Variants in FRMPD4 observed in about 807,000 individuals in gnomAD.
FRMPD4 encodes FERM and PDZ domain containing 4, also known as FERM and PDZ domain-containing protein 4.
A neutral mutation model predicts 94.1 loss-of-function variants in FRMPD4; 22 were observed. The observed-to-expected ratio is 0.23, with a 90% confidence interval of 0.17 to 0.33. The LOEUF is 0.33. Among genes scored for constraint, FRMPD4 ranks in the 10% least tolerant of loss-of-function variants. FRMPD4 has a pLI of 1.00. For missense variants in FRMPD4, 1,111 were observed against 1,339.9 expected, an observed-to-expected ratio of 0.83 and a Z score of 2.67; for synonymous variants, 631 against 548.6, an observed-to-expected ratio of 1.15 and a Z score of -2.10.
At chrX:12,690,110 A>C in intron 7 of FRMPD4, 85 bp from the exon 8 acceptor site, 1 of 691,126 alleles carries the variant, frequency 1.4e-6, no homozygotes, top group East Asian at 3.5e-5. Context: ...GGCAGCCTAC[A>C]TGTGTAACAC....
chrX:12,295,701 T>C (rs1445491289), intron 1 of FRMPD4, among the ~76,000 whole-genome samples: 1 of 112,163 alleles, frequency 8.9e-6, no homozygotes, highest in East Asian at 2.8e-4. Context: ...TTTAAGAGTC[T>C]TTTTGCCTCT....
intron 1 of FRMPD4, among the ~76,000 whole-genome samples, chrX:12,420,327 A>C (rs963086632): frequency 9.0e-6 from 1 of 111,660 alleles, no homozygotes; most frequent in African/African-American, 3.3e-5. Flanking sequence ...CCGGGCCTCC[A>C]TTGTCTCTAC....
At chrX:12,263,037 C>G (rs1310261720) in intron 1 of FRMPD4, among the ~76,000 whole-genome samples, 1 of 111,519 alleles carries the variant, frequency 9.0e-6, no homozygotes, top group Non-Finnish European at 1.9e-5. Flanking sequence ...GTTATTTCTA[C>G]AAGAGGGAGT....
chrX:12,107,939 A>G (rs2055315157), intron 3 of FRMPD4, among the ~76,000 whole-genome samples: 2 of 112,162 alleles, frequency 1.8e-5, no homozygotes, highest in Non-Finnish European at 3.8e-5. Context: ...GACCAAATCT[A>G]TGTCTGATTG....
intron 1 of FRMPD4, among the ~76,000 whole-genome samples, chrX:11,841,350 T>A (rs1253396364): frequency 1.8e-5 from 2 of 110,712 alleles, no homozygotes; most frequent in East Asian, 5.7e-4. Context: ...TGAACTAGTT[T>A]ACAGTCCCAC....
intron 1 of FRMPD4, among the ~76,000 whole-genome samples, chrX:12,418,353 T>TC (rs1402868498): frequency 6.9e-5 from 7 of 102,112 alleles, no homozygotes; most frequent in East Asian, 3.1e-4. Context: ...TTTCTTTCTT[T>TC]TTTTTTTTTT....
chrX:12,486,078 C>A (rs1190719464), intron 1 of FRMPD4, among the ~76,000 whole-genome samples: 2 of 111,639 alleles, frequency 1.8e-5, no homozygotes, highest in Non-Finnish European at 3.8e-5. Flanking sequence ...TGGGTACCAA[C>A]TTCCATCTTG....
intron 3 of FRMPD4, among the ~76,000 whole-genome samples, chrX:11,900,380 G>T (rs1467173845): frequency 9.0e-6 from 1 of 111,605 alleles, no homozygotes; most frequent in Admixed American, 9.5e-5. Flanking sequence ...GCCAGGACAG[G>T]ATAGGACTCT....
At position 12,063,891 on chromosome X, in the gene FRMPD4, A is replaced by G. The variant is rs752972577; in HGVS notation, c.95+185873A>G. On this transcript the variant is annotated intron_variant, in intron 3 of 18. Transcript: ENST00000640291. ...TCATAGAAAACTGTTTATTTCATCT[A>G]GGTTTTCAAATTAGTGTCATGTATA... 8.9e-5 allele frequency among the ~76,000 whole-genome samples: 10 copies of G among 112,868 alleles called. 1 individual carries two copies. Among genetic ancestry groups the G allele is most frequent in the East Asian group, 2.8e-4 (1 of 3,611 alleles).
At chrX:12,713,021 T>G (rs1482935103) in intron 14 of FRMPD4, among the ~76,000 whole-genome samples, 3 of 109,506 alleles carry the variant, frequency 2.7e-5, no homozygotes. Flanking sequence ...AAGGCTTTAG[T>G]GAGCCAAGCA....
intron 2 of FRMPD4, among the ~76,000 whole-genome samples, chrX:12,516,161 T>C (rs1433131180): frequency 8.9e-6 from 1 of 111,896 alleles, no homozygotes; most frequent in Non-Finnish European, 1.9e-5. Flanking sequence ...CAACTTGACA[T>C]TCTGTGTCTT....
intron 3 of FRMPD4, among the ~76,000 whole-genome samples, chrX:12,046,041 T>C (rs2054783219): frequency 9.0e-6 from 1 of 111,114 alleles, no homozygotes; most frequent in African/African-American, 3.3e-5. Flanking sequence ...GCTACAAAGA[T>C]ACGCACATTC....
chrX:12,662,181 A>AT (rs963086486), intron 4 of FRMPD4, among the ~76,000 whole-genome samples: 52 of 104,875 alleles, frequency 5.0e-4, no homozygotes, highest in South Asian at 4.5e-3. Context: ...GAAAACAATT[A>AT]TTTTTTTTTT....
intron 1 of FRMPD4, among the ~76,000 whole-genome samples, chrX:12,279,612 G>T (rs959143690): frequency 4.5e-5 from 5 of 111,525 alleles, no homozygotes; most frequent in Non-Finnish European, 9.4e-5. Flanking sequence ...GTTCTCTTGG[G>T]ACTGGGGCAG....
chrX:12,282,318 A>G (rs2054538598), intron 1 of FRMPD4, among the ~76,000 whole-genome samples: 1 of 112,548 alleles, frequency 8.9e-6, no homozygotes, highest in Non-Finnish European at 1.9e-5. Context: ...CAGCTTCTCC[A>G]TCAGGCACAG....
chrX:12,229,211 G>A (rs773619787), intron 1 of FRMPD4, among the ~76,000 whole-genome samples: 1 of 111,571 alleles, frequency 9.0e-6, no homozygotes, highest in East Asian at 2.8e-4. Context: ...AAGGTTGTTT[G>A]CTTTTTTTTC....
In FRMPD4 at chrX:11,973,150, C is replaced by T. The variant is rs747953169; in HGVS notation, c.95+95132C>T. 2.0e-4 allele frequency among the ~76,000 whole-genome samples: 22 copies of T among 112,626 alleles called. No individual in the cohort carries two copies. In the South Asian group the frequency reaches 7.8e-3, roughly 40 times the overall value. On this transcript the variant is annotated intron_variant, in intron 3 of 18. Transcript: ENST00000640291. ...CACTTCAGTGCCTCTTTCTAATTCA[C>T]GCTTCTTCTCTTCTTTTTCATCTCT...
At chrX:12,704,516 TAAAG>T in intron 11 of FRMPD4, 31 bp downstream of exon 11, 1 of 1,019,645 alleles carries the variant, frequency 9.8e-7, no homozygotes, top group East Asian at 3.1e-5. Flanking sequence ...AAGAAAATTA[TAAAG>T]AGAGAGGCTT....
chrX:11,903,912 TG>T (rs1439105834), intron 3 of FRMPD4, among the ~76,000 whole-genome samples: 1 of 111,126 alleles, frequency 9.0e-6, no homozygotes, highest in African/African-American at 3.3e-5. Context: ...CCAGAGTAGC[TG>T]GGACTACAGG....
Sources: gnomAD v4.1 joint callset for allele counts (sites outside exome capture counted in the v4.1 genomes callset) on GRCh38, gnomAD v4.1.1 for gene constraint, MANE v1.5 for transcripts, NCBI Gene and HGNC (gene_info 2026-07-23, HGNC 2026-07-21) for gene names.